Variants in BMPER observed in about 807,000 individuals in gnomAD.
BMPER encodes BMP binding endothelial regulator, also known as BMP-binding endothelial regulator protein.
Under a neutral mutation model 87.3 loss-of-function variants are expected in BMPER, and 45 were observed. The ratio of observed to expected loss-of-function variants is 0.52; its 90% CI spans 0.41 to 0.66. BMPER has a LOEUF of 0.66. Ranked by LOEUF, BMPER falls within the 30% of genes least tolerant of loss-of-function variation. BMPER has a pLI of 0.00. For synonymous variants in BMPER, 326 were observed against 316.2 expected, an observed-to-expected ratio of 1.03 and a Z score of -0.33; for missense variants, 784 against 867.5, an observed-to-expected ratio of 0.90 and a Z score of 1.21.
intron 6 of BMPER, among the ~76,000 whole-genome samples, chr7:33,978,695 A>G (rs1283203295): frequency 6.6e-6 from 1 of 152,202 alleles, no homozygotes; most frequent in Non-Finnish European, 1.5e-5. Flanking sequence ...TGATAAATGC[A>G]TTGTAAGTTG....
At chr7:33,941,164 TTA>T (rs1784754726) in intron 3 of BMPER, among the ~76,000 whole-genome samples, 2 of 136,174 alleles carry the variant, frequency 1.5e-5, no homozygotes, top group African/African-American at 5.4e-5. Context: ...AATTTATATA[TTA>T]TATATTTATA....
intron 13 of BMPER, among the ~76,000 whole-genome samples, chr7:34,106,779 A>G (rs1381352238): frequency 6.6e-6 from 1 of 152,214 alleles, no homozygotes. Context: ...TACCTGTTCA[A>G]ATAAACTATT....
chr7:33,985,804 T>G (rs893896888), intron 6 of BMPER, among the ~76,000 whole-genome samples: 4 of 152,168 alleles, frequency 2.6e-5, no homozygotes, highest in Admixed American at 2.6e-4. Context: ...TTATTGAAGT[T>G]TATATGTGTA....
At chr7:34,093,330 C>T (rs148372652) in intron 13 of BMPER, among the ~76,000 whole-genome samples, 59 of 152,302 alleles carry the variant, frequency 3.9e-4, no homozygotes, top group Middle Eastern at 3.4e-3. Context: ...GGAACCCGAT[C>T]GCATGCCACC....
intron 13 of BMPER, among the ~76,000 whole-genome samples, chr7:34,140,912 T>G (rs575195899): frequency 2.0e-5 from 3 of 152,242 alleles, no homozygotes; most frequent in South Asian, 4.1e-4. Context: ...TGAGATGCCA[T>G]TCCATCCAGG....
chr7:33,969,098 TGAAAACATTAAG>T (rs1785473139), intron 4 of BMPER, among the ~76,000 whole-genome samples: 1 of 152,204 alleles, frequency 6.6e-6, no homozygotes, highest in Non-Finnish European at 1.5e-5. Flanking sequence ...TGACATGATA[TGAAAACATTAAG>T]GATGTAGCCC....
intron 1 of BMPER, among the ~76,000 whole-genome samples, chr7:33,906,481 T>C (rs945147773): frequency 6.6e-6 from 1 of 152,022 alleles, no homozygotes; most frequent in Non-Finnish European, 1.5e-5. Context: ...TTTTTTTCTT[T>C]GCGTATGGGG....
At chr7:34,065,660 C>T (rs941721271) in intron 11 of BMPER, among the ~76,000 whole-genome samples, 1 of 151,956 alleles carries the variant, frequency 6.6e-6, no homozygotes. Context: ...ATTCTCTAAC[C>T]CTGCAAAAAA....
intron 3 of BMPER, among the ~76,000 whole-genome samples, chr7:33,946,119 A>G (rs925099288): frequency 4.6e-5 from 7 of 152,222 alleles, no homozygotes; most frequent in African/African-American, 1.4e-4. Flanking sequence ...CATGGCAGAA[A>G]GCACCTCTTC....
chr7:34,126,004 AC>A (rs1227546349), intron 13 of BMPER, among the ~76,000 whole-genome samples: 3 of 152,250 alleles, frequency 2.0e-5, no homozygotes, highest in African/African-American at 7.2e-5. Context: ...TTAAACAAAC[AC>A]AGTCCTTCAT....
At chr7:34,042,044 A>G (rs578057470) in intron 6 of BMPER, among the ~76,000 whole-genome samples, 2 of 152,146 alleles carry the variant, frequency 1.3e-5, no homozygotes, top group African/African-American at 4.8e-5. Flanking sequence ...CTGTTGTTTT[A>G]TCGTCTTGAA....
chr7:34,048,687 C>T (rs1383796692), intron 7 of BMPER, among the ~76,000 whole-genome samples: 2 of 152,212 alleles, frequency 1.3e-5, no homozygotes, highest in African/African-American at 2.4e-5. Flanking sequence ...ATATGAGCAA[C>T]AGCTACTGTA....
intron 2 of BMPER, among the ~76,000 whole-genome samples, chr7:33,914,138 T>G (rs1784032691): frequency 6.6e-6 from 1 of 151,818 alleles, no homozygotes; most frequent in Non-Finnish European, 1.5e-5. Flanking sequence ...AATTTTTTTT[T>G]GTATTTTTAG....
intron 13 of BMPER, among the ~76,000 whole-genome samples, chr7:34,108,563 T>A (rs1323786764): frequency 6.6e-6 from 1 of 152,238 alleles, no homozygotes; most frequent in African/African-American, 2.4e-5. Context: ...CTCTCTTATT[T>A]AAGGGTGGAT....
intron 13 of BMPER, among the ~76,000 whole-genome samples, chr7:34,104,226 G>C (rs752456575): frequency 2.0e-5 from 3 of 152,204 alleles, no homozygotes; most frequent in South Asian, 4.1e-4. Context: ...CTAATGCTTC[G>C]GTTATTCTGT....
chr7:34,084,397 A>G (rs1274199533), intron 12 of BMPER, among the ~76,000 whole-genome samples: 1 of 152,204 alleles, frequency 6.6e-6, no homozygotes, highest in Non-Finnish European at 1.5e-5. Flanking sequence ...CTTTGGAGAC[A>G]GAGAGTGAAT....
chr7:34,103,400 C>G (rs1367962269), intron 13 of BMPER, among the ~76,000 whole-genome samples: 1 of 152,132 alleles, frequency 6.6e-6, no homozygotes, highest in Non-Finnish European at 1.5e-5. Context: ...TTCCCGTAAC[C>G]ATATGTTTTG....
At chr7:34,140,794 A>T (rs17169661) in intron 13 of BMPER, among the ~76,000 whole-genome samples, 1 of 152,150 alleles carries the variant, frequency 6.6e-6, no homozygotes. Context: ...TTTATTGTCC[A>T]TGGAATTTTA....
chr7:34,144,407 A>C (rs2127995018), intron 14 of BMPER, among the ~76,000 whole-genome samples: 1 of 150,686 alleles, frequency 6.6e-6, no homozygotes, highest in South Asian at 2.1e-4. Flanking sequence ...ATAGCTTGTA[A>C]GCAAGCCTCT....
Sources: gnomAD v4.1 joint callset for allele counts (sites outside exome capture counted in the v4.1 genomes callset) on GRCh38, gnomAD v4.1.1 for gene constraint, MANE v1.5 for transcripts, NCBI Gene and HGNC (gene_info 2026-07-23, HGNC 2026-07-21) for gene names.